Variants in TMEM135 observed in about 807,000 individuals in gnomAD.
TMEM135 encodes peroxisomal membrane protein 52.
In TMEM135, 30 loss-of-function variants were observed where a neutral mutation model predicts 60.3. The observed-to-expected ratio is 0.50, with a 90% CI of 0.37 to 0.68. The LOEUF is 0.68. Ranked by LOEUF, TMEM135 falls within the 30% of genes least tolerant of loss-of-function variation. The pLI is 0.00. For missense variants in TMEM135, 468 were observed against 548.8 expected (o/e 0.85, Z 1.47); for synonymous variants, 190 against 186.7 (o/e 1.02, Z -0.14).
In TMEM135 at chr11:87,180,588, G is replaced by T. The variant is rs572649669; in HGVS notation, c.462+23182G>T. ...AGCATGTGTGGAACTTTTTCAAGGAGATGAAATAAAAAGTTTGATAACTGA... is the reference window on the plus strand; with the variant it reads ...AGCATGTGTGGAACTTTTTCAAGGATATGAAATAAAAAGTTTGATAACTGA... On this transcript the variant is annotated intron_variant, in intron 5 of 14. Transcript: ENST00000305494. Among the ~76,000 whole-genome samples, 9 of 152,212 alleles carry T rather than the reference G, an allele frequency of 5.9e-5. No individual in the cohort carries two copies. In the South Asian group the frequency reaches 1.9e-3, roughly 32 times the overall value.
At chr11:87,170,137 G>C (rs654405) in intron 5 of TMEM135, among the ~76,000 whole-genome samples, 55,925 of 151,838 alleles carry the variant, frequency 0.37, 10,829 homozygotes, top group East Asian at 0.67. Context: ...AGCTCCATCA[G>C]GTCATTTATT....
At chr11:87,225,679 T>A (rs2847352) in intron 5 of TMEM135, among the ~76,000 whole-genome samples, 9,732 of 152,070 alleles carry the variant, frequency 0.064, 391 homozygotes, top group South Asian at 0.12. Flanking sequence ...CTTTGGAAGC[T>A]CAGTAGTCAC....
chr11:87,098,405 ATGT>A (rs1312925258), intron 4 of TMEM135, among the ~76,000 whole-genome samples: 3 of 32,692 alleles, frequency 9.2e-5, no homozygotes, highest in Non-Finnish European at 1.5e-4. Context: ...GACTGCATTA[ATGT>A]TGTATTTTAG....
In TMEM135 at chr11:87,322,872, A is replaced by T. The variant is rs1355797510; in HGVS notation, c.*1539A>T. The T allele has an allele frequency of 4.4e-6, 2 of 454,238 alleles. No homozygotes were observed. The highest frequency in any genetic ancestry group is 1.6e-5 in the South Asian group (1 of 64,470). The allele number at this position is 454,238 out of a possible 1,614,324, so 28.1% of individuals were successfully genotyped here. A position where few individuals can be genotyped will look rare whatever the true frequency, so the allele number is the denominator to read the frequency against. ...CATTATGATTAGCTTTGTAGAACTG[A>T]CCTGTTTATTTGGCAATGCTGTTAA... On this transcript the variant is annotated 3_prime_UTR_variant, in exon 15 of 15. Transcript: ENST00000305494.
intron 6 of TMEM135, among the ~76,000 whole-genome samples, chr11:87,286,596 G>C (rs1489620679): frequency 6.6e-6 from 1 of 152,226 alleles, no homozygotes; most frequent in Non-Finnish European, 1.5e-5. Flanking sequence ...AGAGGCTGGG[G>C]CTGTGTGGGA....
chr11:87,073,508 A>G (rs1252297131), intron 3 of TMEM135, among the ~76,000 whole-genome samples: 3 of 152,178 alleles, frequency 2.0e-5, no homozygotes, highest in Non-Finnish European at 4.4e-5. Context: ...AATTCCAGGA[A>G]CATAGGTTAC....
At chr11:87,131,637 C>T (rs182623904) in intron 4 of TMEM135, among the ~76,000 whole-genome samples, 2 of 152,188 alleles carry the variant, frequency 1.3e-5, no homozygotes, top group African/African-American at 4.8e-5. Context: ...CATAGAATAC[C>T]TGATTTGTGA....
rs148341549 is a variant in TMEM135, at chr11:87,310,992, C to CA, written c.936+1327dup. The stretch of plus-strand genomic sequence containing the variant: ...GATTTGCCTACCTTCCCTCTGTCTA[C>CA]AAAAAAATTATAAATATATATTTTA... On this transcript the variant is annotated intron_variant, in intron 10 of 14. Coordinates refer to ENST00000305494, the MANE Select transcript of TMEM135 (RefSeq NM_022918.4). Among the ~76,000 whole-genome samples the CA allele has an allele frequency of 9.7e-3, 1,473 of 151,296 alleles. 27 individuals carry two copies. Among genetic ancestry groups the CA allele is most frequent in the African/African-American group, 0.034 (1,415 of 41,256 alleles).
At chr11:87,051,439 C>A (rs1949840696) in intron 1 of TMEM135, among the ~76,000 whole-genome samples, 1 of 51,932 alleles carries the variant, frequency 1.9e-5, no homozygotes, top group Non-Finnish European at 2.9e-5. Flanking sequence ...CCCAAAATCT[C>A]CTTAAGCTGA....
chr11:87,101,674 G>A (rs1591020002), intron 4 of TMEM135, among the ~76,000 whole-genome samples: 2 of 152,102 alleles, frequency 1.3e-5, no homozygotes, highest in African/African-American at 4.8e-5. Flanking sequence ...TCAAACATAG[G>A]TTTGAAAATG....
At chr11:87,242,527 T>A (rs1473408375) in intron 6 of TMEM135, among the ~76,000 whole-genome samples, 1 of 80,042 alleles carries the variant, frequency 1.2e-5, no homozygotes, top group Admixed American at 1.1e-4. Context: ...TTTCCTGACT[T>A]TTTAATGATG....
intron 5 of TMEM135, among the ~76,000 whole-genome samples, chr11:87,197,862 GAA>G (rs1939996270): frequency 6.6e-6 from 1 of 151,982 alleles, no homozygotes. Flanking sequence ...TATTTATTGG[GAA>G]AACAGTTAAA....
chr11:87,142,800 CT>C (rs1259676524), intron 4 of TMEM135, among the ~76,000 whole-genome samples: 2 of 141,756 alleles, frequency 1.4e-5, no homozygotes, highest in African/African-American at 5.2e-5. Flanking sequence ...CCTCCTTTTA[CT>C]TTTCCTTCTG....
At chr11:87,065,381 C>T (rs867893531) in intron 1 of TMEM135, among the ~76,000 whole-genome samples, 31 of 152,128 alleles carry the variant, frequency 2.0e-4, no homozygotes, top group African/African-American at 6.3e-4. Context: ...TTATTTTAGC[C>T]ATTCTGATAG....
At position 87,299,096 on chromosome 11, in the gene TMEM135, A is replaced by G. The variant is rs192039370; in HGVS notation, c.552-3200A>G. On this transcript the variant is annotated intron_variant, in intron 7 of 14. Coordinates refer to ENST00000305494, the MANE Select transcript of TMEM135 (RefSeq NM_022918.4). ...AGAGCAAAAACTCCATCTCAAAAAAAACAAAACCAAAACCAAAAAACCACA... is the reference window on the plus strand; with the variant it reads ...AGAGCAAAAACTCCATCTCAAAAAAGACAAAACCAAAACCAAAAAACCACA... Among the ~76,000 whole-genome samples, 26 of 152,326 alleles carry G rather than the reference A, an allele frequency of 1.7e-4. No homozygotes were observed. The East Asian group carries it at 5.0e-3, about 29-fold the overall frequency.
intron 13 of TMEM135, 132 bp downstream of exon 13, chr11:87,318,367 G>C: frequency 1.4e-6 from 1 of 721,442 alleles, no homozygotes; most frequent in East Asian, 2.9e-5. Flanking sequence ...TTTTTGTTTT[G>C]TTTTGTTTTT....
chr11:87,198,756 T>C (rs1940025358), intron 5 of TMEM135, among the ~76,000 whole-genome samples: 1 of 151,920 alleles, frequency 6.6e-6, no homozygotes. Context: ...ATGTACCATG[T>C]AAAGGCACTA....
intron 4 of TMEM135, among the ~76,000 whole-genome samples, chr11:87,116,687 A>G (rs1857892765): frequency 6.6e-6 from 1 of 152,040 alleles, no homozygotes; most frequent in Non-Finnish European, 1.5e-5. Context: ...CCTCAAAGAT[A>G]TCATGGGTTT....
At chr11:87,094,786 C>T (rs554563174) in intron 4 of TMEM135, 1 of 190,070 alleles carries the variant, frequency 5.3e-6, no homozygotes, top group African/African-American at 2.4e-5. Context: ...TGAATTTTTT[C>T]TTCCATTATT....
Sources: allele counts gnomAD v4.1 joint callset (sites outside exome capture counted in the v4.1 genomes callset), GRCh38; gene constraint gnomAD v4.1.1; transcripts MANE v1.5; gene names NCBI Gene and HGNC (gene_info 2026-07-23, HGNC 2026-07-21).